The following TMC2 variants were observed in gnomAD, a reference collection of about 807,000 sequenced individuals.
The protein encoded by TMC2 is transmembrane channel-like protein 2.
In TMC2, 102 loss-of-function variants were observed where a neutral mutation model predicts 105.9. The ratio of observed to expected loss-of-function variants is 0.96; its 90% CI spans 0.82 to 1.14. TMC2 has a LOEUF of 1.14. TMC2 is among the 50% of genes most tolerant of loss of function. The pLI, the probability that TMC2 is intolerant of heterozygous loss-of-function variation, is 0.00. For synonymous variants in TMC2, 402 were observed against 422.8 expected, an observed-to-expected ratio of 0.95 and a Z score of 0.60; for missense variants, 1,093 against 1,134.3, an observed-to-expected ratio of 0.96 and a Z score of 0.52.
Position 2,545,819 on chromosome 20 carries a change from G to GAAAGAAAGAA in TMC2, c.82+8504_82+8505insAAGAAAGAAA, listed in dbSNP as rs541537119. ...GAAGAAGGAAGAAGAAGAAGAGGAA[G>GAAAGAAAGAA]AGGAAGAAAGAAAGAAAGAAAGAAA... On this transcript the variant is annotated intron_variant, in intron 2 of 19. Coordinates refer to ENST00000358864, the MANE Select transcript of TMC2 (RefSeq NM_080751.3). Among the ~76,000 whole-genome samples the GAAAGAAAGAA allele has an allele frequency of 2.3e-4, 14 of 62,034 alleles. 1 individual carries two copies. The highest frequency in any genetic ancestry group is 1.7e-3 in the South Asian group (4 of 2,330). 40.7% of individuals were successfully genotyped at this position (62,034 alleles called of 152,430 possible).
intron 7 of TMC2, among the ~76,000 whole-genome samples, chr20:2,588,368 C>G (rs993623691): frequency 6.6e-6 from 1 of 152,190 alleles, no homozygotes; most frequent in Admixed American, 6.5e-5. Flanking sequence ...AGACCCTTAG[C>G]CCCTGCTGAC....
At chr20:2,621,856 TGTAA>T (rs1395276055) in intron 16 of TMC2, among the ~76,000 whole-genome samples, 8 of 152,194 alleles carry the variant, frequency 5.3e-5, no homozygotes, top group African/African-American at 1.4e-4. Context: ...CCTCCAGAAC[TGTAA>T]GATATTAAAT....
chr20:2,589,177 G>A (rs947353376), intron 7 of TMC2, among the ~76,000 whole-genome samples: 2 of 151,624 alleles, frequency 1.3e-5, no homozygotes, highest in African/African-American at 4.8e-5. Context: ...AAGCAAGATG[G>A]TCTATATTTT....
In TMC2 at chr20:2,558,871, C is replaced by T. The variant is rs1386099585; in HGVS notation, c.401+97C>T. The T allele has an allele frequency of 4.7e-6, 6 of 1,275,916 alleles. No individual in the cohort carries two copies. Among genetic ancestry groups the T allele is most frequent in the African/African-American group, 3.0e-5 (2 of 66,206 alleles). 79.0% of individuals were successfully genotyped at this position (1,275,916 alleles called of 1,614,324 possible). On this transcript the variant is annotated intron_variant, in intron 3 of 19. Transcript: ENST00000358864. The surrounding 1 kb of genome is among the most constrained non-coding windows in gnomAD (Gnocchi z 4.6). The stretch of plus-strand genomic sequence containing the variant: ...CGTGAGGGACTGATGCCCCCCTCCC[C>T]GGGGAGAGGCAGCCCGTGCCCTCGC...
intron 4 of TMC2, among the ~76,000 whole-genome samples, chr20:2,564,717 T>C (rs2122841884): frequency 6.6e-6 from 1 of 152,312 alleles, no homozygotes; most frequent in African/African-American, 2.4e-5. Flanking sequence ...ATCTCCTTCC[T>C]GCCTCTGAGG....
chr20:2,610,521 C>G lies in TMC2; in HGVS notation c.1516C>G (p.Leu506Val). 1 of 1,613,838 alleles carries G rather than the reference C, an allele frequency of 6.2e-7. No individual in the cohort carries two copies. The highest frequency in any genetic ancestry group is 8.5e-7 in the Non-Finnish European group (1 of 1,179,858). The part of the protein sequence containing the change: ...YHPRTGLKWQ[L>V]GRIFALFLGN... Reference sequence around the variant, plus strand: ...CCCACGCACTGGACTGAAGTGGCAGCTGGGACGCATCTTTGCACTCTTCCT... The same window carrying G: ...CCCACGCACTGGACTGAAGTGGCAGGTGGGACGCATCTTTGCACTCTTCCT... The change falls in exon 12 of 20, where the codon CTG becomes GTG. Residue 506 changes from leucine to valine, a missense_variant. Transcript: ENST00000358864.
At chr20:2,591,728 GAGAAAAGAGAAGAAA>G (rs2086270068) in intron 7 of TMC2, among the ~76,000 whole-genome samples, 1 of 151,014 alleles carries the variant, frequency 6.6e-6, no homozygotes, top group South Asian at 2.1e-4. Context: ...GAAAAGAAAA[GAGAAAAGAGAAGAAA>G]AGAAAAGAAA....
chr20:2,550,501 G>C (rs1456863813), intron 2 of TMC2, among the ~76,000 whole-genome samples: 3 of 152,246 alleles, frequency 2.0e-5, no homozygotes, highest in African/African-American at 7.2e-5. Flanking sequence ...ATTAACTAAA[G>C]TGCATATTTT....
At chr20:2,573,751 G>A (rs975317352) in intron 5 of TMC2, among the ~76,000 whole-genome samples, 12 of 149,956 alleles carry the variant, frequency 8.0e-5, no homozygotes, top group South Asian at 2.1e-4. Context: ...TAGTAGAGAC[G>A]GGGTTTCACC....
chr20:2,614,243 C>T (rs115360312), intron 14 of TMC2, among the ~76,000 whole-genome samples: 24 of 152,212 alleles, frequency 1.6e-4, no homozygotes, highest in African/African-American at 2.4e-4. Flanking sequence ...AAGATCACCA[C>T]GATTTCCAAA....
In TMC2 at chr20:2,643,263, T is replaced by A. The variant is rs1474283768; in HGVS notation, c.*1912T>A. Reference sequence around the variant, plus strand: ...ACCTGAAACCTCAGTACAGGGATCCTGGCACTGTAACCCAACCAATCAGGA... The same window carrying A: ...ACCTGAAACCTCAGTACAGGGATCCAGGCACTGTAACCCAACCAATCAGGA... On this transcript the variant is annotated 3_prime_UTR_variant, in exon 20 of 20. Coordinates refer to ENST00000358864, the MANE Select transcript of TMC2 (RefSeq NM_080751.3). Among the ~76,000 whole-genome samples, 1 of 152,174 alleles carries A rather than the reference T, an allele frequency of 6.6e-6. No individual in the cohort carries two copies. Among genetic ancestry groups the A allele is most frequent in the Non-Finnish European group, 1.5e-5 (1 of 68,030 alleles).
intron 4 of TMC2, among the ~76,000 whole-genome samples, chr20:2,566,240 G>C (rs1017588005): frequency 1.2e-4 from 19 of 152,010 alleles, no homozygotes; most frequent in African/African-American, 3.4e-4. Flanking sequence ...TACCTCACAG[G>C]GTTGTTCAAA....
At chr20:2,609,317 G>C (rs2086417163) in intron 11 of TMC2, among the ~76,000 whole-genome samples, 1 of 152,134 alleles carries the variant, frequency 6.6e-6, no homozygotes, top group South Asian at 2.1e-4. Flanking sequence ...TTAAGATATG[G>C]GAAAGACAGG....
chr20:2,614,435 A>G (rs765253564), intron 14 of TMC2, among the ~76,000 whole-genome samples: 5 of 152,198 alleles, frequency 3.3e-5, no homozygotes, highest in Middle Eastern at 3.4e-3. Flanking sequence ...GCAAGACCCC[A>G]TCTCTACAAA....
chr20:2,606,632 G>A (rs1391021948), intron 11 of TMC2, among the ~76,000 whole-genome samples: 8 of 152,006 alleles, frequency 5.3e-5, no homozygotes, highest in Admixed American at 5.2e-4. Context: ...TGAATTATAG[G>A]TTTTTTTAAT....
intron 3 of TMC2, among the ~76,000 whole-genome samples, chr20:2,560,979 T>A (rs1437844236): frequency 6.6e-6 from 1 of 152,216 alleles, no homozygotes; most frequent in Admixed American, 6.5e-5. Context: ...ACAGCCCTGC[T>A]GTCCAATATG....
chr20:2,629,135 A>G (rs1020735872), intron 17 of TMC2, among the ~76,000 whole-genome samples: 5 of 152,172 alleles, frequency 3.3e-5, no homozygotes, highest in African/African-American at 1.2e-4. Flanking sequence ...CAGTCACCCT[A>G]TGAGTGTATT....
intron 17 of TMC2, among the ~76,000 whole-genome samples, chr20:2,630,148 G>C (rs2086593502): frequency 6.6e-6 from 1 of 152,198 alleles, no homozygotes; most frequent in Non-Finnish European, 1.5e-5. Flanking sequence ...GATTGTAGAA[G>C]ACAATAAATC....
In TMC2 at chr20:2,545,809, A is replaced by G. The variant is rs939010808; in HGVS notation, c.82+8493A>G. 9.3e-4 allele frequency among the ~76,000 whole-genome samples: 128 copies of G among 137,004 alleles called. 2 individuals carry two copies. In the South Asian group the frequency reaches 9.9e-3, roughly 11 times the overall value. The allele number at this position is 137,004 out of a possible 152,430, so 89.9% of individuals were successfully genotyped here. A position where few individuals can be genotyped will look rare whatever the true frequency, so the allele number is the denominator to read the frequency against. ...AGACGAAGATGAAGAAGGAAGAAGA[A>G]GAAGAGGAAGAGGAAGAAAGAAAGA... On this transcript the variant is annotated intron_variant, in intron 2 of 19. Transcript: ENST00000358864.
Sources: allele counts gnomAD v4.1 joint callset (sites outside exome capture counted in the v4.1 genomes callset), GRCh38; gene constraint gnomAD v4.1.1; non-coding constraint Gnocchi (gnomAD v3.1); transcripts MANE v1.5; gene names NCBI Gene and HGNC (gene_info 2026-07-23, HGNC 2026-07-21).